The following RELB variants were observed in gnomAD, a reference collection of about 807,000 sequenced individuals.
RELB encodes the protein transcription factor RelB.
In RELB, 14 loss-of-function variants were observed where a neutral mutation model predicts 55.4. The ratio of observed to expected loss-of-function variants is 0.25; its 90% confidence interval spans 0.17 to 0.40. RELB has a LOEUF of 0.40. Ranked by LOEUF, RELB falls within the 10% of genes least tolerant of loss-of-function variation. The pLI is 1.00. For synonymous variants in RELB, 409 were observed against 371.3 expected (o/e 1.10, Z -1.17); for missense variants, 669 against 830.7 (o/e 0.81, Z 2.39).
At chr19:45,009,875 A>G in intron 3 of RELB, 53 bp downstream of exon 3, 2 of 1,511,608 alleles carry the variant, frequency 1.3e-6, no homozygotes, top group South Asian at 1.1e-5. Flanking sequence ...AAGTGCCTAC[A>G]GAAGGGGGTC....
chr19:45,024,474 A>G (rs1600077121), intron 5 of RELB, among the ~76,000 whole-genome samples: 1 of 150,926 alleles, frequency 6.6e-6, no homozygotes, highest in South Asian at 2.1e-4. Flanking sequence ...AAGTTTTCCT[A>G]TTAAAGATGA....
Position 45,023,366 on chromosome 19 carries a change from T to C in RELB, c.662+1156T>C, listed in dbSNP as rs1971512271. Among the ~76,000 whole-genome samples the C allele has an allele frequency of 2.0e-5, 3 of 151,612 alleles. No homozygotes were observed. The South Asian group carries it at 6.3e-4, about 32-fold the overall frequency. On this transcript the variant is annotated intron_variant, in intron 5 of 11. Transcript: ENST00000221452. Reference sequence around the variant, plus strand: ...ATGAGTGCCCCAAAACAAAGGCATCTTCATTGGTGTTTAATTTGCAGTTTT... The same window carrying C: ...ATGAGTGCCCCAAAACAAAGGCATCCTCATTGGTGTTTAATTTGCAGTTTT...
chr19:45,012,224 G>T lies in RELB; in HGVS notation c.452G>T (p.Ser151Ile). 1 of 1,490,452 alleles carries T rather than the reference G, an allele frequency of 6.7e-7. No individual in the cohort carries two copies. 92.3% of individuals were successfully genotyped at this position (1,490,452 alleles called of 1,614,324 possible). A position where few individuals can be genotyped will look rare whatever the true frequency, so the allele number is the denominator to read the frequency against. The change falls in exon 4 of 12, where the codon AGC becomes ATC. Residue 151 changes from serine (S) to isoleucine (I), a missense_variant. Around this residue, in one of 3 missense-constraint regions of RELB, gnomAD observed 323 missense variants for 368.5 expected, o/e 0.88. Transcript: ENST00000221452. ...RYECEGRSAG[S>I]ILGESSTEAS... ...GAGTGCGAGGGCCGCTCGGCCGGCAGCATCCTTGGGGAGAGCAGCACCGAG... is the reference window on the plus strand; with the variant it reads ...GAGTGCGAGGGCCGCTCGGCCGGCATCATCCTTGGGGAGAGCAGCACCGAG...
intron 2 of RELB, among the ~76,000 whole-genome samples, chr19:45,003,920 T>TG (rs1298160994): frequency 5.9e-4 from 55 of 92,538 alleles, no homozygotes; most frequent in Non-Finnish European, 5.5e-4. Context: ...TTTGTGTTTT[T>TG]TTTTTTTTTT....
At chr19:45,034,411 C>T in intron 10 of RELB, 40 bp from the exon 11 acceptor site, 1 of 1,609,834 alleles carries the variant, frequency 6.2e-7, no homozygotes, top group Non-Finnish European at 8.5e-7. Flanking sequence ...GGAGGAAGGG[C>T]TGTCGGGGAA....
intron 2 of RELB, 40 bp downstream of exon 2, chr19:45,003,036 A>G (rs777470476): frequency 2.5e-6 from 4 of 1,595,776 alleles, no homozygotes; most frequent in Non-Finnish European, 3.4e-6. Context: ...TCGCTCATGC[A>G]GGATGAGGTT....
At chr19:45,030,804 A>C (rs1971611626) in intron 8 of RELB, among the ~76,000 whole-genome samples, 1 of 152,188 alleles carries the variant, frequency 6.6e-6, no homozygotes, top group Non-Finnish European at 1.5e-5. Context: ...CTCAAAATAG[A>C]ATAAAGTAAA....
intron 2 of RELB, among the ~76,000 whole-genome samples, chr19:45,009,184 G>C (rs1971319323): frequency 6.6e-6 from 1 of 152,104 alleles, no homozygotes; most frequent in South Asian, 2.1e-4. Flanking sequence ...GAGTTCAAGC[G>C]ATTCTCCTGC....
intron 2 of RELB, among the ~76,000 whole-genome samples, chr19:45,006,493 T>C (rs1971283806): frequency 6.6e-6 from 1 of 151,368 alleles, no homozygotes; most frequent in African/African-American, 2.4e-5. Flanking sequence ...CATGAGCCAC[T>C]GTGCCCAGCG....
At chr19:45,030,423 G>A (rs1971606774) in intron 8 of RELB, among the ~76,000 whole-genome samples, 2 of 152,132 alleles carry the variant, frequency 1.3e-5, no homozygotes, top group Non-Finnish European at 2.9e-5. Context: ...CTTATGGTCA[G>A]GAGTTCAAAA....
rs1232752000 is a variant in RELB at position 45,028,869 on chromosome 19, TC to T, written c.887-17del. The T allele has an allele frequency of 9.6e-6, 15 of 1,562,502 alleles. No homozygotes were observed. Among genetic ancestry groups the T allele is most frequent in the Non-Finnish European group, 1.3e-5 (15 of 1,151,900 alleles). ...TCGGGATTTTTTTTAATACACTTCT[TC>T]CTCTTGCTCCTTCCCAGAATCCACA... On this transcript the variant is annotated intron_variant, in intron 7 of 11. Coordinates refer to ENST00000221452, the MANE Select transcript of RELB (RefSeq NM_006509.4).
Position 45,002,724 on chromosome 19 carries a change from G to C in RELB, c.107-225G>C, listed in dbSNP as rs536777738. The stretch of plus-strand genomic sequence containing the variant: ...CCCAACTTTAAGGGAGAAAAGGAGC[G>C]GGCCCTGAGTGTGATGAAGGGTGGG... On this transcript the variant is annotated intron_variant, in intron 1 of 11. Transcript: ENST00000221452. Among the ~76,000 whole-genome samples, 96 of 152,244 alleles carry C rather than the reference G, an allele frequency of 6.3e-4. No individual in the cohort carries two copies. In the South Asian group the frequency reaches 0.018, roughly 29 times the overall value.
At chr19:45,028,582 C>T (rs765823611) in intron 7 of RELB, among the ~76,000 whole-genome samples, 3 of 151,982 alleles carry the variant, frequency 2.0e-5, no homozygotes, top group Admixed American at 6.6e-5. Flanking sequence ...GATCCACCTG[C>T]CTCGGCCTCC....
intron 7 of RELB, among the ~76,000 whole-genome samples, chr19:45,028,274 G>A (rs1439226016): frequency 6.6e-6 from 1 of 151,882 alleles, no homozygotes; most frequent in East Asian, 1.9e-4. Flanking sequence ...TTCCTGGCTG[G>A]GCCCCCAAAA....
chr19:45,009,719 G>A, intron 2 of RELB, 95 bp from the exon 3 acceptor site: 1 of 1,428,200 alleles, frequency 7.0e-7, no homozygotes, highest in Non-Finnish European at 9.7e-7. Flanking sequence ...AGGGTCACAG[G>A]AGGGACAGGG....
At chr19:45,002,457 G>A (rs1489453029) in intron 1 of RELB, among the ~76,000 whole-genome samples, 1 of 152,150 alleles carries the variant, frequency 6.6e-6, no homozygotes, top group Non-Finnish European at 1.5e-5. Context: ...GGCTCAAGCA[G>A]TTCTCCTGCC....
intron 7 of RELB, among the ~76,000 whole-genome samples, chr19:45,027,164 C>T (rs531414222): frequency 5.8e-4 from 86 of 147,770 alleles, no homozygotes; most frequent in African/African-American, 2.1e-3. Context: ...ACCCTGGAGG[C>T]GGAGCTTGCA....
intron 5 of RELB, among the ~76,000 whole-genome samples, chr19:45,024,984 C>T (rs939607075): frequency 4.0e-5 from 6 of 151,716 alleles, no homozygotes; most frequent in South Asian, 2.1e-4. Context: ...CTCAGCCTCC[C>T]GAGTAGCTGG....
intron 11 of RELB, among the ~76,000 whole-genome samples, chr19:45,035,748 C>T (rs1340380599): frequency 1.3e-5 from 2 of 152,180 alleles, no homozygotes; most frequent in Non-Finnish European, 2.9e-5. Flanking sequence ...ATCATTTGAA[C>T]CCAAAAGGTG....
Sources: allele counts gnomAD v4.1 joint callset (sites outside exome capture counted in the v4.1 genomes callset), GRCh38; gene constraint gnomAD v4.1.1; regional missense constraint gnomAD v4.1.1; transcripts MANE v1.5; gene names NCBI Gene and HGNC (gene_info 2026-07-23, HGNC 2026-07-21).